SRCIN1: variants seen among roughly 807,000 people sequenced by gnomAD.
SRCIN1 encodes the protein P130Cas-associated protein.
A neutral mutation model predicts 116.2 loss-of-function variants in SRCIN1; 50 were observed. That is an observed-to-expected ratio of 0.43 (90% CI 0.34 to 0.54). SRCIN1 has a LOEUF of 0.54. Among genes scored for constraint, SRCIN1 ranks in the 20% least tolerant of loss-of-function variants. SRCIN1 has a pLI of 0.02. For missense variants in SRCIN1, 1,446 were observed against 1,672.0 expected (o/e 0.86, Z 2.36); for synonymous variants, 736 against 750.0 (o/e 0.98, Z 0.30).
In SRCIN1 at chr17:38,533,293, G is replaced by C; in HGVS notation, c.*4C>G. On this transcript the variant is annotated 3_prime_UTR_variant, in exon 19 of 19. Transcript: ENST00000617146. ...GACAGGCGGGGCAGCGGGGTGAGGGGCTTCTAGAAGGAGATGGAAGAATTC... is the reference window on the plus strand; with the variant it reads ...GACAGGCGGGGCAGCGGGGTGAGGGCCTTCTAGAAGGAGATGGAAGAATTC... The C allele has an allele frequency of 6.5e-7, 1 of 1,550,306 alleles. No homozygotes were observed. Among genetic ancestry groups the C allele is most frequent in the Non-Finnish European group, 8.7e-7 (1 of 1,144,388 alleles).
chr17:38,596,259 T>C (rs898593783), intron 1 of SRCIN1, among the ~76,000 whole-genome samples: 1 of 151,920 alleles, frequency 6.6e-6, no homozygotes, highest in Non-Finnish European at 1.5e-5. Context: ...GGCAGGGCCA[T>C]GGGCCATGGG....
In SRCIN1 at chr17:38,548,692, C is replaced by G; in HGVS notation, c.3135G>C (p.Glu1045Asp). The G allele has an allele frequency of 6.2e-7, 1 of 1,605,252 alleles. No individual in the cohort carries two copies. Among genetic ancestry groups the G allele is most frequent in the Non-Finnish European group, 8.5e-7 (1 of 1,176,678 alleles). Residue 1045 changes from glutamate to aspartate, a missense_variant, in exon 17 of 19, where the codon GAG becomes GAC. Glu to Asp is a conservative substitution (Grantham distance 45). Around this residue, in one of 5 missense-constraint regions of SRCIN1, gnomAD observed 531 missense variants for 633.9 expected, o/e 0.84. Coordinates refer to ENST00000617146, the MANE Select transcript of SRCIN1 (RefSeq NM_025248.3). The stretch of plus-strand genomic sequence containing the variant: ...TCACCTGGGGCTTCTGCACCTCCAG[C>G]TCCTCGGACTCAGCCTTCTGCAAGG... ...SAFIKKAESE[E>D]LEVQKPQVKL...
intron 18 of SRCIN1, among the ~76,000 whole-genome samples, 187 bp from the exon 19 acceptor site, chr17:38,533,618 G>T (rs1419475049): frequency 7.3e-5 from 11 of 150,802 alleles, no homozygotes; most frequent in Non-Finnish European, 1.5e-4. Context: ...GCAGAAAAGG[G>T]GGGGGAGGGG....
In SRCIN1 at chr17:38,549,032, C is replaced by T. The variant is rs779756638; in HGVS notation, c.3117+24G>A. 1.9e-6 allele frequency: 3 copies of T among 1,612,624 alleles called. No homozygotes were observed. In the East Asian group the frequency reaches 6.7e-5, roughly 36 times the overall value. On this transcript the variant is annotated intron_variant, in intron 16 of 18. Transcript: ENST00000617146. ...TTCATCCTAACTCAGTCCCCTGGCC[C>T]TCTGTCTGAGGTGGGAGTGGTACCT... is the stretch of plus-strand genomic sequence containing the variant.
intron 2 of SRCIN1, among the ~76,000 whole-genome samples, chr17:38,570,406 T>G (rs1374105040): frequency 6.6e-6 from 1 of 151,872 alleles, no homozygotes; most frequent in Non-Finnish European, 1.5e-5. Context: ...GGGTGCCCAC[T>G]CACAGTGAGA....
At chr17:38,577,810 C>A (rs904030941) in intron 2 of SRCIN1, among the ~76,000 whole-genome samples, 1 of 152,160 alleles carries the variant, frequency 6.6e-6, no homozygotes, top group Admixed American at 6.5e-5. Context: ...CCATCCCACT[C>A]GCTATAGAAG....
At chr17:38,575,947 G>A (rs8079189) in intron 2 of SRCIN1, among the ~76,000 whole-genome samples, 3,702 of 152,252 alleles carry the variant, frequency 0.024, 165 homozygotes, top group African/African-American at 0.086. Context: ...GCAAGTGAAC[G>A]GGCCATAGAT....
At position 38,558,137 on chromosome 17, in the gene SRCIN1, G is replaced by A; in HGVS notation, c.2201+90C>T. Reference sequence around the variant, plus strand: ...AGACCAACGCCACCTGTGACTCAGAGGGAAGGGAGCTGCGCCTCCCAGGGA... The same window carrying A: ...AGACCAACGCCACCTGTGACTCAGAAGGAAGGGAGCTGCGCCTCCCAGGGA... On this transcript the variant is annotated intron_variant, in intron 11 of 18. Coordinates refer to ENST00000617146, the MANE Select transcript of SRCIN1 (RefSeq NM_025248.3). The surrounding 1 kb of genome is among the most constrained non-coding windows in gnomAD (Gnocchi z 4.6). The A allele has an allele frequency of 6.9e-7, 1 of 1,455,246 alleles. No homozygotes were observed. The highest frequency in any genetic ancestry group is 9.4e-7 in the Non-Finnish European group (1 of 1,061,692). The allele number at this position is 1,455,246 out of a possible 1,614,324, so 90.1% of individuals were successfully genotyped here. A position where few individuals can be genotyped will look rare whatever the true frequency, so the allele number is the denominator to read the frequency against.
intron 10 of SRCIN1, 58 bp downstream of exon 10, chr17:38,559,527 A>G (rs1268269902): frequency 1.3e-6 from 2 of 1,551,344 alleles, no homozygotes; most frequent in African/African-American, 2.7e-5. Context: ...GACTTGCGGC[A>G]AGGGACTTCT....
At chr17:38,590,979 A>T (rs2143403554) in intron 1 of SRCIN1, among the ~76,000 whole-genome samples, 1 of 152,292 alleles carries the variant, frequency 6.6e-6, no homozygotes, top group South Asian at 2.1e-4. Context: ...CCAGGGCTGG[A>T]GGAGAGGGAG....
At chr17:38,553,918 G>T (rs964498997) in intron 11 of SRCIN1, among the ~76,000 whole-genome samples, 4 of 152,148 alleles carry the variant, frequency 2.6e-5, no homozygotes, top group African/African-American at 9.7e-5. Context: ...AATAGGGATG[G>T]TAAGAGCTCC....
chr17:38,586,724 T>C (rs987351337), intron 1 of SRCIN1, among the ~76,000 whole-genome samples: 1 of 152,164 alleles, frequency 6.6e-6, no homozygotes, highest in African/African-American at 2.4e-5. Flanking sequence ...AAAGGGCAGC[T>C]AGGGAGGGTG....
intron 18 of SRCIN1, among the ~76,000 whole-genome samples, chr17:38,538,724 C>T (rs1257591426): frequency 1.3e-5 from 2 of 152,162 alleles, no homozygotes; most frequent in African/African-American, 2.4e-5. Context: ...TCGTCACAAG[C>T]GCGATCTCAT....
rs755954061 is a variant in SRCIN1 at position 38,552,464 on chromosome 17, C to T, written c.2463G>A (p.Thr821=). The T allele has an allele frequency of 2.8e-5, 45 of 1,602,166 alleles. No homozygotes were observed. Among genetic ancestry groups the T allele is most frequent in the Admixed American group, 3.4e-5 (2 of 58,066 alleles). ...AGAATGACCTTCGGATCTGGGCCAG[C>T]GTGTCCGTGACCCCGCGGCAGCGCT... ...LLKRCRGVTD[T]LAQIRRQVDE... Residue 821 remains threonine, a synonymous_variant, in exon 13 of 19, where the codon ACG becomes ACA. Coordinates refer to ENST00000617146, the MANE Select transcript of SRCIN1 (RefSeq NM_025248.3). This position sits in a 1 kb window ranked among gnomAD's most constrained non-coding sequence, Gnocchi z 5.3.
At chr17:38,574,576 G>A (rs755925026) in intron 2 of SRCIN1, among the ~76,000 whole-genome samples, 21 of 152,120 alleles carry the variant, frequency 1.4e-4, no homozygotes, top group Non-Finnish European at 2.9e-4. Context: ...AGCAAGGTCA[G>A]GGGACTTCTG....
intron 2 of SRCIN1, among the ~76,000 whole-genome samples, chr17:38,577,010 G>C (rs1907460626): frequency 6.6e-6 from 1 of 152,104 alleles, no homozygotes; most frequent in Non-Finnish European, 1.5e-5. Flanking sequence ...CTTCTCGCCG[G>C]CCAGGTGGAC....
At chr17:38,547,953 C>T in intron 17 of SRCIN1, 1 of 199,328 alleles carries the variant, frequency 5.0e-6, no homozygotes, top group Non-Finnish European at 1.1e-5. Context: ...GGCCTGTGGC[C>T]CCGGCACCCT....
chr17:38,562,137 G>A lies in SRCIN1; in HGVS notation c.1026C>T (p.Gly342=). ...TCTCGGCCGCGTGGTGCACCGGGCT[G>A]CCGGCGTACGAAGGCGGGCGCCCCC... ...YAGGRPPSYA[G]SPVHHAAERL... The change falls in exon 7 of 19, where the codon GGC becomes GGT. Residue 342 remains glycine, a synonymous_variant. Coordinates refer to ENST00000617146, the MANE Select transcript of SRCIN1 (RefSeq NM_025248.3). This position sits in a 1 kb window ranked among gnomAD's most constrained non-coding sequence, Gnocchi z 4.2. 7.3e-7 allele frequency: 1 copy of A among 1,371,972 alleles called. No homozygotes were observed. Among genetic ancestry groups the A allele is most frequent in the Non-Finnish European group, 9.3e-7 (1 of 1,070,936 alleles). 85.0% of individuals were successfully genotyped at this position (1,371,972 alleles called of 1,614,324 possible).
chr17:38,552,623 G>T lies in SRCIN1; in HGVS notation c.2333-29C>A, dbSNP rs1905510856. The T allele has an allele frequency of 1.9e-6, 3 of 1,612,706 alleles. No homozygotes were observed. Among genetic ancestry groups the T allele is most frequent in the Non-Finnish European group, 2.5e-6 (3 of 1,179,816 alleles). ...AGGAGACAGGAAGGCATGAGCTGGG[G>T]CCAGAGGGAGCACCACAGACTGGGA... is the stretch of plus-strand genomic sequence containing the variant. On this transcript the variant is annotated intron_variant, in intron 12 of 18. Coordinates refer to ENST00000617146, the MANE Select transcript of SRCIN1 (RefSeq NM_025248.3). This position sits in a 1 kb window ranked among gnomAD's most constrained non-coding sequence, Gnocchi z 5.3.
Sources: allele counts gnomAD v4.1 joint callset (sites outside exome capture counted in the v4.1 genomes callset), GRCh38; gene constraint gnomAD v4.1.1; regional missense constraint gnomAD v4.1.1; non-coding constraint Gnocchi (gnomAD v3.1); transcripts MANE v1.5; gene names NCBI Gene and HGNC (gene_info 2026-07-23, HGNC 2026-07-21).